Variants in CPED1 observed in about 807,000 individuals in gnomAD.
CPED1 encodes cadherin-like and PC-esterase domain-containing protein 1.
In CPED1, 114 loss-of-function variants were observed where a neutral mutation model predicts 128.2. The ratio of observed to expected loss-of-function variants is 0.89; its 90% confidence interval spans 0.76 to 1.04. The LOEUF (loss-of-function observed/expected upper bound fraction) is 1.04, where lower values mean the gene tolerates loss of function less well. Ranked by LOEUF, CPED1 falls within the 50% of genes least tolerant of loss-of-function variation. The pLI, the probability that CPED1 is intolerant of heterozygous loss-of-function variation, is 0.00. For missense variants in CPED1, 1,211 were observed against 1,207.1 expected, an observed-to-expected ratio of 1.00 and a Z score of -0.05; for synonymous variants, 462 against 426.7, an observed-to-expected ratio of 1.08 and a Z score of -1.02.
At chr7:121,249,050 G>T (rs570877309) in intron 18 of CPED1, among the ~76,000 whole-genome samples, 1 of 152,208 alleles carries the variant, frequency 6.6e-6, no homozygotes, top group South Asian at 2.1e-4. Flanking sequence ...AGTATTAGCA[G>T]CAGAATAGAC....
chr7:121,154,917 G>A (rs1036724748), intron 16 of CPED1, among the ~76,000 whole-genome samples: 5 of 152,174 alleles, frequency 3.3e-5, no homozygotes, highest in African/African-American at 4.8e-5. Flanking sequence ...TTCTGTTAAT[G>A]TGTCATGTTT....
intron 16 of CPED1, among the ~76,000 whole-genome samples, chr7:121,168,926 T>C (rs1584564890): frequency 6.6e-6 from 1 of 152,184 alleles, no homozygotes; most frequent in African/African-American, 2.4e-5. Flanking sequence ...TTCAGAGTTA[T>C]AGGAAAAGGA....
At chr7:121,259,585 T>C (rs928475126) in intron 18 of CPED1, among the ~76,000 whole-genome samples, 4 of 152,080 alleles carry the variant, frequency 2.6e-5, no homozygotes, top group Non-Finnish European at 5.9e-5. Flanking sequence ...CCTACCTCTT[T>C]ATAAATGCTG....
chr7:121,124,027 G>C (rs1338627159), intron 7 of CPED1, among the ~76,000 whole-genome samples: 3 of 152,162 alleles, frequency 2.0e-5, no homozygotes, highest in Non-Finnish European at 2.9e-5. Flanking sequence ...CTAGTTAGTA[G>C]AGTTACAAAT....
intron 5 of CPED1, among the ~76,000 whole-genome samples, chr7:121,084,859 C>A (rs1473645799): frequency 6.6e-6 from 1 of 152,072 alleles, no homozygotes; most frequent in Non-Finnish European, 1.5e-5. Flanking sequence ...GAATGCCTAA[C>A]CATTTAAACA....
intron 4 of CPED1, among the ~76,000 whole-genome samples, chr7:121,047,771 C>T (rs939639865): frequency 6.7e-6 from 1 of 149,164 alleles, no homozygotes; most frequent in Non-Finnish European, 1.5e-5. Flanking sequence ...AGTGCAGTGG[C>T]GCGATCTCGG....
intron 3 of CPED1, among the ~76,000 whole-genome samples, chr7:121,046,469 A>G (rs951032053): frequency 1.1e-4 from 17 of 152,136 alleles, no homozygotes; most frequent in African/African-American, 4.1e-4. Flanking sequence ...TGATGTTTTC[A>G]CTTCTTATCA....
intron 16 of CPED1, among the ~76,000 whole-genome samples, chr7:121,153,699 A>G (rs1796211711): frequency 6.6e-6 from 1 of 152,196 alleles, no homozygotes; most frequent in Non-Finnish European, 1.5e-5. Flanking sequence ...GCTATAAGCC[A>G]CTCTATCACA....
At chr7:121,248,680 A>T (rs1399715910) in intron 18 of CPED1, among the ~76,000 whole-genome samples, 2 of 151,864 alleles carry the variant, frequency 1.3e-5, no homozygotes, top group African/African-American at 4.8e-5. Context: ...AAATAAAGCC[A>T]AGTGACTATA....
chr7:121,157,378 G>T (rs1796311897), intron 16 of CPED1, among the ~76,000 whole-genome samples: 1 of 152,170 alleles, frequency 6.6e-6, no homozygotes, highest in African/African-American at 2.4e-5. Flanking sequence ...AGGGAGCCCT[G>T]CAACAATTAC....
chr7:121,150,273 C>T (rs1325170869), intron 16 of CPED1, among the ~76,000 whole-genome samples: 2 of 151,326 alleles, frequency 1.3e-5, no homozygotes, highest in African/African-American at 4.9e-5. Context: ...CAGTGTTTAT[C>T]TCCTACTTAT....
intron 16 of CPED1, among the ~76,000 whole-genome samples, chr7:121,207,206 A>G (rs897790259): frequency 2.6e-5 from 4 of 152,014 alleles, no homozygotes; most frequent in African/African-American, 9.7e-5. Flanking sequence ...TACAATGACC[A>G]TCATCTTACA....
intron 4 of CPED1, chr7:121,050,983 C>T (rs1793336943): frequency 3.8e-6 from 2 of 523,814 alleles, no homozygotes; most frequent in Admixed American, 2.1e-5. Context: ...GTCAGCTAAA[C>T]CTGCTCCTGC....
rs151154440 is a variant in CPED1, at chr7:121,095,783, A to G, written c.617-1916A>G. Among the ~76,000 whole-genome samples the G allele has an allele frequency of 3.6e-3, 548 of 152,154 alleles. 3 individuals carry two copies. The highest frequency in any genetic ancestry group is 0.013 in the African/African-American group (521 of 41,538). ...CATGTTTTTTGACAACTTCCTCAAAACCATTGAGATACTATCTTGGCACAA... is the reference window on the plus strand; with the variant it reads ...CATGTTTTTTGACAACTTCCTCAAAGCCATTGAGATACTATCTTGGCACAA... On this transcript the variant is annotated intron_variant, in intron 5 of 22. Coordinates refer to ENST00000310396, the MANE Select transcript of CPED1 (RefSeq NM_024913.5).
intron 22 of CPED1, among the ~76,000 whole-genome samples, chr7:121,273,581 T>C (rs963306981): frequency 1.3e-5 from 2 of 152,100 alleles, no homozygotes; most frequent in Non-Finnish European, 2.9e-5. Context: ...AAAAATGTTA[T>C]TGACACTGCA....
intron 16 of CPED1, among the ~76,000 whole-genome samples, chr7:121,205,795 A>G (rs1299048632): frequency 6.6e-6 from 1 of 152,038 alleles, no homozygotes; most frequent in East Asian, 1.9e-4. Context: ...AATTAATGTA[A>G]TTTAAATGCT....
chr7:121,051,187 A>G, intron 4 of CPED1: 1 of 513,344 alleles, frequency 1.9e-6, no homozygotes, highest in Non-Finnish European at 3.9e-6. Flanking sequence ...AGCAGGAGAG[A>G]AAGAAACCAA....
At chr7:121,036,516 TTC>T (rs199740540) in intron 3 of CPED1, among the ~76,000 whole-genome samples, 59,405 of 135,718 alleles carry the variant, frequency 0.44, 13,100 homozygotes, top group South Asian at 0.6. Context: ...TATTTTTTTT[TTC>T]TTTCTTTATC....
intron 3 of CPED1, among the ~76,000 whole-genome samples, chr7:121,025,614 C>A (rs1792558457): frequency 6.6e-6 from 1 of 152,020 alleles, no homozygotes. Flanking sequence ...TCTTCCAAAC[C>A]CTTTTCCCTC....
Sources: gnomAD v4.1 joint callset for allele counts (sites outside exome capture counted in the v4.1 genomes callset) on GRCh38, gnomAD v4.1.1 for gene constraint, MANE v1.5 for transcripts, NCBI Gene and HGNC (gene_info 2026-07-23, HGNC 2026-07-21) for gene names.